Variants in HYDIN observed in about 807,000 individuals in gnomAD.
The protein encoded by HYDIN is axonemal central pair apparatus protein HYDIN.
In HYDIN, 132 loss-of-function variants were observed where a neutral mutation model predicts 403.9. That is an observed-to-expected ratio of 0.33 (90% CI 0.28 to 0.38). The LOEUF is 0.38. Ranked by LOEUF, HYDIN falls within the 10% of genes least tolerant of loss-of-function variation. HYDIN has a pLI of 1.00. For synonymous variants in HYDIN, 1,202 were observed against 1,891.7 expected (o/e 0.64, Z 9.46); for missense variants, 2,827 against 5,009.5 (o/e 0.56, Z 13.15).
chr16:70,964,418 G>T (rs1201373113), intron 37 of HYDIN, among the ~76,000 whole-genome samples: 2 of 151,436 alleles, frequency 1.3e-5, no homozygotes, highest in African/African-American at 2.4e-5. Context: ...CTGCGCTTCA[G>T]TTTCTCATCT....
intron 75 of HYDIN, among the ~76,000 whole-genome samples, chr16:70,841,718 C>G (rs1651502831): frequency 6.6e-6 from 1 of 152,108 alleles, no homozygotes; most frequent in Admixed American, 6.6e-5. Context: ...CTCTCTCTTC[C>G]TCCTGCCCCA....
chr16:71,188,591 C>G (rs1217555115), intron 1 of HYDIN, among the ~76,000 whole-genome samples: 2 of 152,142 alleles, frequency 1.3e-5, no homozygotes. Flanking sequence ...ATTATCTATG[C>G]ACCAAAATAG....
In HYDIN at chr16:71,168,485, A is replaced by T. The variant is rs1014359363; in HGVS notation, c.517-5755T>A. ...AGTCAGCTACGTTATAAAAGGAAAA[A>T]GAGCAAAATCAGAGCAGTTTACACT... On this transcript the variant is annotated intron_variant, in intron 5 of 85. Transcript: ENST00000393567. 3.3e-5 allele frequency among the ~76,000 whole-genome samples: 5 copies of T among 150,026 alleles called. No homozygotes were observed. In the East Asian group the frequency reaches 7.8e-4, roughly 23 times the overall value.
intron 16 of HYDIN, among the ~76,000 whole-genome samples, chr16:71,064,430 A>C: frequency 6.6e-6 from 1 of 150,648 alleles, no homozygotes; most frequent in Non-Finnish European, 1.5e-5. Context: ...TGCAGATGCA[A>C]TTCTGCATGT....
chr16:70,934,047 G>A (rs759644540), intron 45 of HYDIN, among the ~76,000 whole-genome samples: 4 of 152,116 alleles, frequency 2.6e-5, no homozygotes, highest in South Asian at 2.1e-4. Context: ...CAGAAAGGGC[G>A]GACCAGGATG....
At chr16:71,159,657 A>G (rs956222874) in intron 6 of HYDIN, among the ~76,000 whole-genome samples, 2 of 125,084 alleles carry the variant, frequency 1.6e-5, no homozygotes, top group Non-Finnish European at 3.3e-5. Flanking sequence ...ATCAGCAAGT[A>G]GCCCAAGAAA....
intron 11 of HYDIN, among the ~76,000 whole-genome samples, chr16:71,092,775 T>G (rs1363648282): frequency 7.3e-6 from 1 of 137,264 alleles, no homozygotes; most frequent in African/African-American, 3.0e-5. Context: ...GTGATTGAAT[T>G]TCACCATATT....
At chr16:71,187,812 A>G (rs980362654) in intron 1 of HYDIN, among the ~76,000 whole-genome samples, 6 of 152,180 alleles carry the variant, frequency 3.9e-5, no homozygotes, top group Non-Finnish European at 7.4e-5. Flanking sequence ...ATGAATATGA[A>G]ATTTTAAAAA....
intron 30 of HYDIN, 63 bp downstream of exon 30, chr16:70,978,851 C>T (rs1332999393): frequency 7.4e-6 from 10 of 1,352,510 alleles, no homozygotes; most frequent in Non-Finnish European, 1.0e-5. Flanking sequence ...CACACAACTC[C>T]TATGCACTCT....
chr16:71,164,808 G>T (rs1222801973), intron 5 of HYDIN, among the ~76,000 whole-genome samples: 2 of 134,416 alleles, frequency 1.5e-5, no homozygotes, highest in African/African-American at 2.8e-5. Context: ...CCCAAAGGGG[G>T]AACCTTTTTC....
chr16:71,223,864 C>G (rs190969228), intron 1 of HYDIN, among the ~76,000 whole-genome samples: 2 of 152,256 alleles, frequency 1.3e-5, no homozygotes, highest in East Asian at 1.9e-4. Context: ...GGGAATACTT[C>G]TACACTATTG....
At chr16:71,158,201 T>C (rs2085852860) in intron 6 of HYDIN, among the ~76,000 whole-genome samples, 1 of 152,064 alleles carries the variant, frequency 6.6e-6, no homozygotes, top group South Asian at 2.1e-4. Context: ...CGAATCCAGG[T>C]TTTGATGTTA....
At chr16:71,045,386 T>A (rs977561236) in intron 18 of HYDIN, among the ~76,000 whole-genome samples, 18 of 152,206 alleles carry the variant, frequency 1.2e-4, no homozygotes, top group Non-Finnish European at 2.1e-4. Flanking sequence ...TCCCTTTTGG[T>A]CAAGCAATTG....
chr16:70,938,301 G>C (rs1041038984), intron 44 of HYDIN, among the ~76,000 whole-genome samples: 1 of 152,208 alleles, frequency 6.6e-6, no homozygotes, highest in Non-Finnish European at 1.5e-5. Flanking sequence ...GGTCAGGGGG[G>C]GCCAGCAGGG....
chr16:70,926,356 C>T (rs1279910382), intron 45 of HYDIN, among the ~76,000 whole-genome samples: 1 of 151,544 alleles, frequency 6.6e-6, no homozygotes, highest in African/African-American at 2.4e-5. Flanking sequence ...TAAACTATTG[C>T]AAGGACAAAA....
intron 21 of HYDIN, among the ~76,000 whole-genome samples, chr16:71,024,725 C>A (rs564755719): frequency 2.1e-5 from 3 of 139,766 alleles, no homozygotes; most frequent in African/African-American, 8.2e-5. Flanking sequence ...TATCCTGACC[C>A]CCCGCCCTGA....
At chr16:70,901,301 G>C (rs1259525002) in intron 52 of HYDIN, 99 bp from the exon 53 acceptor site, 1 of 733,842 alleles carries the variant, frequency 1.4e-6, no homozygotes, top group East Asian at 2.6e-5. Context: ...TTCATGTGCA[G>C]GTTTGTTGTA....
chr16:71,203,859 G>A (rs750217943), intron 1 of HYDIN: 9 of 453,900 alleles, frequency 2.0e-5, no homozygotes, highest in Admixed American at 7.1e-5. Flanking sequence ...GAGCTCAGGA[G>A]TTTAAGACCA....
At chr16:71,049,735 T>C (rs1455643144) in intron 18 of HYDIN, among the ~76,000 whole-genome samples, 1 of 147,042 alleles carries the variant, frequency 6.8e-6, no homozygotes, top group Non-Finnish European at 1.5e-5. Flanking sequence ...AAAACAAAGA[T>C]TGTGAAACCA....
Sources: gnomAD v4.1 joint callset for allele counts (sites outside exome capture counted in the v4.1 genomes callset) on GRCh38, gnomAD v4.1.1 for gene constraint, MANE v1.5 for transcripts, NCBI Gene and HGNC (gene_info 2026-07-23, HGNC 2026-07-21) for gene names.